The following ESR2 variants were observed in gnomAD, a reference collection of about 807,000 sequenced individuals.
The protein encoded by ESR2 is estrogen receptor beta.
ESR2 carries 36 observed loss-of-function variants against 49.6 expected under a neutral mutation model. The observed-to-expected ratio is 0.73, with a 90% CI of 0.56 to 0.96. The LOEUF is 0.96. Ranked by LOEUF, ESR2 falls within the 40% of genes least tolerant of loss-of-function variation. ESR2 has a pLI of 0.00. For synonymous variants in ESR2, 320 were observed against 266.1 expected (o/e 1.20, Z -1.97); for missense variants, 714 against 693.0 (o/e 1.03, Z -0.34).
At chr14:64,328,084 T>C (rs2077411490) in intron 1 of ESR2, among the ~76,000 whole-genome samples, 1 of 146,486 alleles carries the variant, frequency 6.8e-6, no homozygotes, top group Non-Finnish European at 1.5e-5. Context: ...TAGCCAGGCA[T>C]AGTGGTGTGC....
At chr14:64,312,448 G>A (rs1015933156) in intron 1 of ESR2, among the ~76,000 whole-genome samples, 1 of 152,082 alleles carries the variant, frequency 6.6e-6, no homozygotes, top group African/African-American at 2.4e-5. Context: ...TTGGGAGGCC[G>A]AAGCAAGCAG....
chr14:64,250,135 C>G (rs1444241742), intron 6 of ESR2, among the ~76,000 whole-genome samples: 2 of 152,160 alleles, frequency 1.3e-5, no homozygotes, highest in Admixed American at 1.3e-4. Context: ...GCAAATATCC[C>G]AAGAATAAAA....
At chr14:64,302,037 C>T (rs2077026257) in intron 1 of ESR2, among the ~76,000 whole-genome samples, 1 of 151,970 alleles carries the variant, frequency 6.6e-6, no homozygotes, top group Non-Finnish European at 1.5e-5. Flanking sequence ...TTCAAGCAGG[C>T]CCAATTGTGA....
intron 3 of ESR2, 123 bp downstream of exon 3, chr14:64,279,858 C>T (rs1227931489): frequency 5.0e-6 from 4 of 797,504 alleles, no homozygotes; most frequent in African/African-American, 1.7e-5. Flanking sequence ...ATCCTCTGAA[C>T]TGCTCATCAA....
intron 3 of ESR2, among the ~76,000 whole-genome samples, chr14:64,272,818 A>T (rs745586554): frequency 6.6e-6 from 1 of 151,972 alleles, no homozygotes; most frequent in Non-Finnish European, 1.5e-5. Context: ...CACAGTTTTG[A>T]TATTTTTGCT....
chr14:64,292,593 A>T (rs2076890180), intron 1 of ESR2, among the ~76,000 whole-genome samples: 1 of 152,224 alleles, frequency 6.6e-6, no homozygotes, highest in Non-Finnish European at 1.5e-5. Context: ...TCAAAAACTT[A>T]TCATTAAACA....
chr14:64,276,397 A>G lies in ESR2; in HGVS notation c.535+3584T>C, dbSNP rs115094549. On this transcript the variant is annotated intron_variant, in intron 3 of 8. Transcript: ENST00000341099. ...TTACCTCACTAATAAAGAGAAGCAA[A>G]TTGAAACCAAAAGATACTATACATC... Among the ~76,000 whole-genome samples the G allele has an allele frequency of 6.9e-3, 1,055 of 152,324 alleles. 19 individuals carry two copies. Among genetic ancestry groups the G allele is most frequent in the African/African-American group, 0.024 (1,004 of 41,584 alleles).
At chr14:64,337,244 A>T (rs1567811201) in intron 1 of ESR2, among the ~76,000 whole-genome samples, 2 of 152,268 alleles carry the variant, frequency 1.3e-5, no homozygotes, top group Non-Finnish European at 2.9e-5. Flanking sequence ...GGCCTAGCCC[A>T]GGCACAGGTA....
intron 1 of ESR2, among the ~76,000 whole-genome samples, chr14:64,305,233 C>G (rs940224138): frequency 2.4e-4 from 34 of 141,098 alleles, no homozygotes; most frequent in Non-Finnish European, 4.3e-4. Flanking sequence ...AGAGCTTGCA[C>G]TGAGCCGAGA....
intron 1 of ESR2, among the ~76,000 whole-genome samples, chr14:64,308,530 A>G (rs991874539): frequency 2.0e-5 from 3 of 152,134 alleles, no homozygotes; most frequent in Admixed American, 2.0e-4. Context: ...ATTTAATTAT[A>G]TTGTGGCCAG....
intron 1 of ESR2, among the ~76,000 whole-genome samples, chr14:64,287,561 T>C (rs936996815): frequency 2.0e-5 from 3 of 152,216 alleles, no homozygotes; most frequent in Admixed American, 1.3e-4. Flanking sequence ...TCTTTGTCAG[T>C]GGCATCTTGA....
intron 1 of ESR2, among the ~76,000 whole-genome samples, chr14:64,308,500 A>G (rs1001571611): frequency 6.6e-6 from 1 of 152,166 alleles, no homozygotes; most frequent in African/African-American, 2.4e-5. Flanking sequence ...TTTTCTAGAT[A>G]TCCTTTTTAT....
rs896823532 is a variant in ESR2, at chr14:64,230,676, A to G, written c.*2461T>C. ...TAGTCAGTCCTGGTGGGCAGTCACT[A>G]TGAGACAGGCCTGACAGAGGGGTGC... On this transcript the variant is annotated 3_prime_UTR_variant, in exon 9 of 9. Transcript: ENST00000341099. 1.3e-5 allele frequency among the ~76,000 whole-genome samples: 2 copies of G among 151,816 alleles called. No homozygotes were observed. The highest frequency in any genetic ancestry group is 2.9e-5 in the Non-Finnish European group (2 of 67,968).
At chr14:64,281,661 C>T (rs2140815473) in intron 2 of ESR2, among the ~76,000 whole-genome samples, 1 of 152,304 alleles carries the variant, frequency 6.6e-6, no homozygotes, top group African/African-American at 2.4e-5. Context: ...TCTCATTATA[C>T]TATCCATTCC....
intron 7 of ESR2, among the ~76,000 whole-genome samples, chr14:64,244,077 GTGT>G (rs1448548746): frequency 6.6e-6 from 1 of 151,632 alleles, no homozygotes; most frequent in African/African-American, 2.4e-5. Flanking sequence ...GTCTGTGAGA[GTGT>G]TCCAGGAAGA....
chr14:64,316,536 C>T (rs551752270), intron 1 of ESR2, among the ~76,000 whole-genome samples: 7 of 152,050 alleles, frequency 4.6e-5, no homozygotes, highest in East Asian at 1.9e-4. Flanking sequence ...TGGCCAGGCA[C>T]GGTGGCTCTT....
chr14:64,227,644 T>G, downstream of ESR2: 1 of 1,613,378 alleles, frequency 6.2e-7, no homozygotes, highest in Non-Finnish European at 8.5e-7. Flanking sequence ...CAAGTCAAAG[T>G]TGCAGTGAAA....
Position 64,260,732 on chromosome 14 carries a change from T to C in ESR2, c.669A>G (p.Arg223=), listed in dbSNP as rs776182715. ...GTCTCCGCACAAGGCGGTACCCACA[T>C]CTCTCTCTCCGGGAGCCTGAAGAGG... ...GMVKCGSRRE[R]CGYRLVRRQR... is the part of the protein sequence containing the mutation. The change falls in exon 5 of 9, where the codon AGA becomes AGG. Residue 223 remains arginine, a synonymous_variant. Transcript: ENST00000341099. 1.3e-6 allele frequency: 2 copies of C among 1,500,680 alleles called. No homozygotes were observed. Among genetic ancestry groups the C allele is most frequent in the Non-Finnish European group, 1.8e-6 (2 of 1,122,388 alleles). 93.0% of individuals were successfully genotyped at this position (1,500,680 alleles called of 1,614,324 possible).
chr14:64,283,060 TG>T lies in ESR2; in HGVS notation c.-76del. On this transcript the variant is annotated 5_prime_UTR_variant, in exon 2 of 9. Coordinates refer to ENST00000341099, the MANE Select transcript of ESR2 (RefSeq NM_001437.3). ...TCATTATAATGTTCTCAAAGATTCG[TG>T]GGCAAGTATAATGGCTGTAAAGAAA... 6.8e-7 allele frequency: 1 copy of T among 1,471,490 alleles called. No individual in the cohort carries two copies. The highest frequency in any genetic ancestry group is 9.2e-7 in the Non-Finnish European group (1 of 1,091,606). 91.2% of individuals were successfully genotyped at this position (1,471,490 alleles called of 1,614,324 possible).
Sources: allele counts gnomAD v4.1 joint callset (sites outside exome capture counted in the v4.1 genomes callset), GRCh38; gene constraint gnomAD v4.1.1; transcripts MANE v1.5; gene names NCBI Gene and HGNC (gene_info 2026-07-23, HGNC 2026-07-21).